The following TMEM117 variants were observed in gnomAD, a reference collection of about 807,000 sequenced individuals.
TMEM117 encodes transmembrane protein 117.
A neutral mutation model predicts 52.4 loss-of-function variants in TMEM117; 27 were observed. That is an observed-to-expected ratio of 0.51 (90% CI 0.38 to 0.71). The LOEUF (loss-of-function observed/expected upper bound fraction) is 0.71. TMEM117 is among the 30% of genes least tolerant of loss of function. The pLI is 0.00. For synonymous variants in TMEM117, 215 were observed against 206.3 expected (o/e 1.04, Z -0.36); for missense variants, 556 against 630.5 (o/e 0.88, Z 1.26).
rs141277071 is a variant in TMEM117, at chr12:44,338,474, G to A, written c.769-38121G>A. ...GGCCAAATCCTTTACACACACATAC[G>A]CACATACACACACACACGAAAAAGA... On this transcript the variant is annotated intron_variant, in intron 6 of 7. Coordinates refer to ENST00000266534, the MANE Select transcript of TMEM117 (RefSeq NM_032256.3). Among the ~76,000 whole-genome samples, 1,000 of 151,520 alleles carry A rather than the reference G, an allele frequency of 6.6e-3. 14 individuals are homozygous for A. Among genetic ancestry groups the A allele is most frequent in the African/African-American group, 0.022 (922 of 41,388 alleles).
chr12:44,062,258 A>G (rs1332477966), intron 3 of TMEM117, among the ~76,000 whole-genome samples: 4 of 152,224 alleles, frequency 2.6e-5, no homozygotes, highest in African/African-American at 9.6e-5. Context: ...AGAAGTAAAT[A>G]AAGTTGAAGG....
chr12:44,358,947 G>A (rs746597084), intron 6 of TMEM117, among the ~76,000 whole-genome samples: 146 of 152,124 alleles, frequency 9.6e-4, no homozygotes, highest in Non-Finnish European at 1.9e-3. Flanking sequence ...TAATTATGAT[G>A]CATTGTTTTT....
chr12:43,886,598 T>G (rs1162732044), intron 2 of TMEM117, among the ~76,000 whole-genome samples: 1 of 151,872 alleles, frequency 6.6e-6, no homozygotes, highest in Non-Finnish European at 1.5e-5. Flanking sequence ...TTGAGAAATG[T>G]TTTTTTTCTG....
chr12:44,349,795 T>C (rs557395958), intron 6 of TMEM117, among the ~76,000 whole-genome samples: 1 of 152,162 alleles, frequency 6.6e-6, no homozygotes, highest in South Asian at 2.1e-4. Flanking sequence ...TTTACGCATT[T>C]GCTATGTTCC....
chr12:44,116,335 G>A (rs747749789), intron 3 of TMEM117, among the ~76,000 whole-genome samples: 1 of 151,938 alleles, frequency 6.6e-6, no homozygotes, highest in East Asian at 1.9e-4. Flanking sequence ...TGGTTTCCCT[G>A]GGATTATGAC....
chr12:44,088,551 G>A (rs1414758470), intron 3 of TMEM117, among the ~76,000 whole-genome samples: 1 of 152,174 alleles, frequency 6.6e-6, no homozygotes, highest in Non-Finnish European at 1.5e-5. Context: ...TGGCGCATGA[G>A]GCTGATTTGA....
intron 6 of TMEM117, among the ~76,000 whole-genome samples, chr12:44,366,520 T>C (rs1260605529): frequency 6.6e-6 from 1 of 152,148 alleles, no homozygotes; most frequent in African/African-American, 2.4e-5. Flanking sequence ...CCAGTGTATC[T>C]TGTTTTCCTA....
chr12:44,225,127 G>T (rs17094323), intron 5 of TMEM117, among the ~76,000 whole-genome samples: 1 of 152,180 alleles, frequency 6.6e-6, no homozygotes, highest in African/African-American at 2.4e-5. Flanking sequence ...TTGGGGTAAA[G>T]AAAGGAACAA....
At chr12:43,983,152 C>G (rs577770208) in intron 3 of TMEM117, among the ~76,000 whole-genome samples, 1 of 152,100 alleles carries the variant, frequency 6.6e-6, no homozygotes, top group African/African-American at 2.4e-5. Context: ...TTAAGATGAC[C>G]TTACTCACAC....
intron 3 of TMEM117, among the ~76,000 whole-genome samples, chr12:44,057,750 G>A (rs2137944922): frequency 6.6e-6 from 1 of 152,164 alleles, no homozygotes; most frequent in East Asian, 1.9e-4. Flanking sequence ...CTGCCACATT[G>A]ATAAGTTGTG....
intron 2 of TMEM117, 188 bp downstream of exon 2, chr12:43,845,116 G>C: frequency 1.7e-6 from 1 of 600,004 alleles, no homozygotes; most frequent in Non-Finnish European, 2.7e-6. Context: ...TTTTCCTACT[G>C]TCTAAGGAAA....
chr12:44,228,704 G>A lies in TMEM117; in HGVS notation c.608+17317G>A, dbSNP rs138444859. ...CAAAGCATCCCAAGTGCAGTATATAGTTAATGCAAAGGCTCTGGGTGGGGA... is the reference window on the plus strand; with the variant it reads ...CAAAGCATCCCAAGTGCAGTATATAATTAATGCAAAGGCTCTGGGTGGGGA... On this transcript the variant is annotated intron_variant, in intron 5 of 7. Coordinates refer to ENST00000266534, the MANE Select transcript of TMEM117 (RefSeq NM_032256.3). Among the ~76,000 whole-genome samples, 396 of 152,232 alleles carry A rather than the reference G, an allele frequency of 2.6e-3. 3 individuals carry two copies. Among genetic ancestry groups the A allele is most frequent in the African/African-American group, 9.1e-3 (378 of 41,558 alleles).
At chr12:43,981,391 T>A (rs1165413224) in intron 3 of TMEM117, among the ~76,000 whole-genome samples, 6 of 152,198 alleles carry the variant, frequency 3.9e-5, no homozygotes, top group Non-Finnish European at 8.8e-5. Flanking sequence ...TGTATAGTGC[T>A]GGAGCACAGA....
At chr12:44,081,727 T>G (rs73286295) in intron 3 of TMEM117, among the ~76,000 whole-genome samples, 5 of 152,070 alleles carry the variant, frequency 3.3e-5, no homozygotes, top group Admixed American at 6.6e-5. Context: ...AAGTCCAACA[T>G]GCAAAACTTC....
At chr12:43,887,233 G>A (rs1312975824) in intron 2 of TMEM117, among the ~76,000 whole-genome samples, 1 of 152,142 alleles carries the variant, frequency 6.6e-6, no homozygotes, top group Non-Finnish European at 1.5e-5. Context: ...AGTACTGCCT[G>A]GGACAAAGCT....
At chr12:44,126,682 T>A (rs1948330470) in intron 3 of TMEM117, among the ~76,000 whole-genome samples, 2 of 152,220 alleles carry the variant, frequency 1.3e-5, no homozygotes, top group Admixed American at 1.3e-4. Context: ...GAATAGTCTA[T>A]TTTTAATGGG....
Position 44,388,072 on chromosome 12 carries a change from T to C in TMEM117, c.945T>C (p.Asp315=). 6.2e-7 allele frequency: 1 copy of C among 1,612,294 alleles called. No homozygotes were observed. Among genetic ancestry groups the C allele is most frequent in the South Asian group, 1.1e-5 (1 of 90,956 alleles). ...YGIIFLVLIL[D]LNMWKNQIFY... ...TTATCTTCCTCGTCTTGATTTTGGA[T>C]CTTAATATGTGGAAGAACCAAATAT... Residue 315 remains aspartate, a synonymous_variant, in exon 8 of 8, where the codon GAT becomes GAC. Transcript: ENST00000266534.
At chr12:43,906,782 T>TC (rs1944397336) in intron 2 of TMEM117, among the ~76,000 whole-genome samples, 1 of 152,220 alleles carries the variant, frequency 6.6e-6, no homozygotes. Flanking sequence ...ACTGCACTTT[T>TC]CCGACAGGCT....
At chr12:44,208,725 GTTTTTTT>G (rs5797892) in intron 4 of TMEM117, among the ~76,000 whole-genome samples, 3 of 68,828 alleles carry the variant, frequency 4.4e-5, no homozygotes, top group African/African-American at 1.0e-4. Context: ...CAGAAAGAAT[GTTTTTTT>G]TTTTTTTTTT....
Sources: gnomAD v4.1 joint callset for allele counts (sites outside exome capture counted in the v4.1 genomes callset) on GRCh38, gnomAD v4.1.1 for gene constraint, MANE v1.5 for transcripts, NCBI Gene and HGNC (gene_info 2026-07-23, HGNC 2026-07-21) for gene names.